Variants in VIT observed in about 807,000 individuals in gnomAD.
The protein encoded by VIT is vitrin.
In VIT, 99 loss-of-function variants were observed where a neutral mutation model predicts 78.0. The ratio of observed to expected loss-of-function variants is 1.27; its 90% CI spans 1.08 to 1.50. The LOEUF is 1.50. Ranked by LOEUF, VIT falls within the 40% of genes most tolerant of loss-of-function variation. VIT has a pLI of 0.00. For synonymous variants in VIT, 374 were observed against 334.3 expected (o/e 1.12, Z -1.29); for missense variants, 1,126 against 875.3 (o/e 1.29, Z -3.61).
At chr2:36,712,890 T>C (rs1188937987) in intron 1 of VIT, among the ~76,000 whole-genome samples, 1 of 152,226 alleles carries the variant, frequency 6.6e-6, no homozygotes, top group Non-Finnish European at 1.5e-5. Flanking sequence ...ATTCATAAGA[T>C]TGTCTTCCCT....
intron 2 of VIT, among the ~76,000 whole-genome samples, chr2:36,728,013 C>A (rs2148480234): frequency 6.6e-6 from 1 of 152,212 alleles, no homozygotes; most frequent in South Asian, 2.1e-4. Context: ...ACTGCAATTT[C>A]TGCCTCCTGG....
chr2:36,711,390 T>C (rs1665787550), intron 1 of VIT, among the ~76,000 whole-genome samples: 1 of 152,232 alleles, frequency 6.6e-6, no homozygotes, highest in African/African-American at 2.4e-5. Flanking sequence ...ATTTTGCTTT[T>C]TCAGTCTTAA....
At chr2:36,708,562 A>C (rs1573115170) in intron 1 of VIT, among the ~76,000 whole-genome samples, 1 of 152,228 alleles carries the variant, frequency 6.6e-6, no homozygotes, top group East Asian at 1.9e-4. Context: ...TCAGTTCCAC[A>C]TTCTTTAGGC....
intron 11 of VIT, among the ~76,000 whole-genome samples, chr2:36,784,127 C>G (rs781119419): frequency 5.9e-5 from 9 of 152,072 alleles, no homozygotes; most frequent in Non-Finnish European, 4.4e-5. Flanking sequence ...GGAGAAACCA[C>G]CTGAGGATAT....
chr2:36,814,383 A>G lies in VIT; in HGVS notation c.*22A>G. 3 of 1,612,640 alleles carry G rather than the reference A, an allele frequency of 1.9e-6. No homozygotes were observed. In the South Asian group the frequency reaches 3.3e-5, roughly 18 times the overall value. On this transcript the variant is annotated 3_prime_UTR_variant, in exon 16 of 16. Transcript: ENST00000379242. ...CTGAATTCAGAGCAGGCAGAGCACC[A>G]GCAAGTGCTGCTTTACTAACTGACG... is the stretch of plus-strand genomic sequence containing the variant.
intron 1 of VIT, among the ~76,000 whole-genome samples, chr2:36,701,739 G>A (rs1172322975): frequency 6.6e-6 from 1 of 152,176 alleles, no homozygotes; most frequent in African/African-American, 2.4e-5. Flanking sequence ...GTTCCAGACA[G>A]AGAAAACATG....
At chr2:36,710,232 T>C (rs1319626669) in intron 1 of VIT, among the ~76,000 whole-genome samples, 4 of 152,206 alleles carry the variant, frequency 2.6e-5, no homozygotes, top group Non-Finnish European at 5.9e-5. Context: ...TTTTGTATTT[T>C]ATTAATATTG....
At chr2:36,708,119 C>A (rs555344969) in intron 1 of VIT, among the ~76,000 whole-genome samples, 3 of 149,430 alleles carry the variant, frequency 2.0e-5, no homozygotes, top group Non-Finnish European at 3.0e-5. Flanking sequence ...CTCCCCCCCC[C>A]GCCCACCTAG....
chr2:36,720,144 C>A (rs900641296), intron 2 of VIT, among the ~76,000 whole-genome samples: 6 of 152,162 alleles, frequency 3.9e-5, no homozygotes, highest in African/African-American at 1.4e-4. Flanking sequence ...AAAAAAAATT[C>A]TAAATTCATA....
chr2:36,763,916 G>C (rs1558550675), intron 6 of VIT, among the ~76,000 whole-genome samples: 1 of 152,146 alleles, frequency 6.6e-6, no homozygotes, highest in Non-Finnish European at 1.5e-5. Flanking sequence ...AGGAGAGCAG[G>C]CAAAAACAAC....
At chr2:36,740,573 G>C (rs1667776684) in intron 3 of VIT, among the ~76,000 whole-genome samples, 1 of 152,038 alleles carries the variant, frequency 6.6e-6, no homozygotes, top group African/African-American at 2.4e-5. Context: ...TTTTTTCAAA[G>C]TGCATGAACA....
intron 12 of VIT, among the ~76,000 whole-genome samples, chr2:36,789,654 G>C (rs931533606): frequency 6.6e-6 from 1 of 152,142 alleles, no homozygotes; most frequent in Non-Finnish European, 1.5e-5. Context: ...GTATGCATGA[G>C]AGCACACAGA....
At chr2:36,775,246 G>A (rs904955548) in intron 9 of VIT, among the ~76,000 whole-genome samples, 179 bp downstream of exon 9, 4 of 152,174 alleles carry the variant, frequency 2.6e-5, no homozygotes, top group African/African-American at 7.2e-5. Flanking sequence ...TGATTGATCT[G>A]TTCTCAGTGC....
intron 11 of VIT, 111 bp from the exon 12 acceptor site, chr2:36,787,018 C>T: frequency 1.4e-5 from 19 of 1,379,892 alleles, no homozygotes; most frequent in Admixed American, 1.2e-4. Flanking sequence ...CCTCTTTTTC[C>T]CTTTCTTTTC....
rs1259608303 is a variant in VIT, at chr2:36,758,857, T to C, written c.410-112T>C. On this transcript the variant is annotated intron_variant, in intron 5 of 15. Transcript: ENST00000379242. ...ACTATTCAGCATGAGGGAGACTGAT[T>C]TTATTGAACTGAAGAGAGATAAATT... is the stretch of plus-strand genomic sequence containing the variant. The C allele has an allele frequency of 6.3e-6, 6 of 946,578 alleles. No individual in the cohort carries two copies. The Admixed American group carries it at 1.3e-4, about 21-fold the overall frequency. 58.6% of individuals were successfully genotyped at this position (946,578 alleles called of 1,614,324 possible).
At chr2:36,802,896 A>C (rs1487393745) in intron 13 of VIT, among the ~76,000 whole-genome samples, 1 of 152,252 alleles carries the variant, frequency 6.6e-6, no homozygotes, top group East Asian at 1.9e-4. Flanking sequence ...GAACTGAAGA[A>C]GCAGACTGTA....
At chr2:36,795,537 C>G (rs909570524) in intron 12 of VIT, among the ~76,000 whole-genome samples, 1 of 151,860 alleles carries the variant, frequency 6.6e-6, no homozygotes, top group Non-Finnish European at 1.5e-5. Flanking sequence ...CTCAGCCTCC[C>G]GAGTAGCTGG....
intron 1 of VIT, among the ~76,000 whole-genome samples, chr2:36,708,238 T>C (rs995430766): frequency 3.3e-5 from 5 of 152,028 alleles, no homozygotes; most frequent in African/African-American, 1.2e-4. Context: ...AGATGTGGCC[T>C]CTCCCCATTC....
Position 36,696,935 on chromosome 2 carries a change from G to A in VIT, c.-57G>A, listed in dbSNP as rs932488839. The stretch of plus-strand genomic sequence containing the variant: ...AAAAAGAATATTCATTCTGTGTGGT[G>A]AAAATTTTTTGAAAAAAAAATTGCC... On this transcript the variant is annotated 5_prime_UTR_variant, in exon 1 of 16. Coordinates refer to ENST00000379242, the MANE Select transcript of VIT (RefSeq NM_053276.4). 2 of 151,930 alleles carry A rather than the reference G, an allele frequency of 1.3e-5. No individual in the cohort carries two copies. The highest frequency in any genetic ancestry group is 2.9e-5 in the Non-Finnish European group (2 of 67,976). The allele number at this position is 151,930 out of a possible 1,614,324, so 9.4% of individuals were successfully genotyped here.
Sources: allele counts gnomAD v4.1 joint callset (sites outside exome capture counted in the v4.1 genomes callset), GRCh38; gene constraint gnomAD v4.1.1; transcripts MANE v1.5; gene names NCBI Gene and HGNC (gene_info 2026-07-23, HGNC 2026-07-21).